The following PARP14 variants were observed in gnomAD, a reference collection of about 807,000 sequenced individuals.
The protein encoded by PARP14 is protein mono-ADP-ribosyltransferase PARP14.
A neutral mutation model predicts 154.2 loss-of-function variants in PARP14; 59 were observed. The observed-to-expected ratio is 0.38, with a 90% CI of 0.31 to 0.48. PARP14 has a LOEUF of 0.48. Among genes scored for constraint, PARP14 ranks in the 20% least tolerant of loss-of-function variants. The pLI is 0.98. For synonymous variants in PARP14, 720 were observed against 780.5 expected, an observed-to-expected ratio of 0.92 and a Z score of 1.29; for missense variants, 1,734 against 2,131.6, an observed-to-expected ratio of 0.81 and a Z score of 3.67.
chr3:122,721,088 G>T (rs16833455), intron 15 of PARP14: 1 of 333,872 alleles, frequency 3.0e-6, no homozygotes, highest in Non-Finnish European at 5.8e-6. Flanking sequence ...ATTTTTGCAG[G>T]CACGCTGTTT....
intron 8 of PARP14, among the ~76,000 whole-genome samples, chr3:122,707,512 C>T (rs1436234234): frequency 1.3e-5 from 2 of 152,086 alleles, no homozygotes; most frequent in African/African-American, 4.8e-5. Context: ...GTGGCTCACA[C>T]CTTTAATCCC....
intron 12 of PARP14, 139 bp downstream of exon 12, chr3:122,714,568 C>A (rs1247054626): frequency 3.8e-6 from 2 of 529,410 alleles, no homozygotes; most frequent in Non-Finnish European, 3.2e-6. Context: ...GCTTCCTCCC[C>A]ATAAGACAAC....
rs539501980 is a variant in PARP14 at position 122,728,950 on chromosome 3, C to T, written c.*353C>T. On this transcript the variant is annotated 3_prime_UTR_variant, in exon 17 of 17. Coordinates refer to ENST00000474629, the MANE Select transcript of PARP14 (RefSeq NM_017554.3). ...TAAGCACAGCTGCCACTGCAGGAGA[C>T]AGGCCCCATGTCAGGATGCCATAGT... The T allele has an allele frequency of 5.6e-4, 134 of 241,378 alleles. No individual in the cohort carries two copies. The highest frequency in any genetic ancestry group is 9.6e-4 in the Non-Finnish European group (118 of 122,484). 15.0% of individuals were successfully genotyped at this position (241,378 alleles called of 1,614,324 possible).
intron 9 of PARP14, 24 bp downstream of exon 9, chr3:122,708,292 G>A (rs976632969): frequency 9.1e-6 from 12 of 1,314,146 alleles, no homozygotes; most frequent in Non-Finnish European, 1.3e-5. Flanking sequence ...TCTAAATTGA[G>A]AAGTGATTTC....
intron 4 of PARP14, among the ~76,000 whole-genome samples, chr3:122,693,695 G>A (rs1012215815): frequency 6.6e-6 from 1 of 151,938 alleles, no homozygotes; most frequent in Admixed American, 6.6e-5. Flanking sequence ...ACAAAAATTA[G>A]CCAGGCATGG....
rs377542915 is a variant in PARP14, at chr3:122,701,384, A to T, written c.2830A>T (p.Asn944Tyr). Residue 944 changes from asparagine to tyrosine, a missense_variant, in exon 6 of 17, where the codon AAC becomes TAC. Transcript: ENST00000474629. This position sits in a 1 kb window ranked among gnomAD's most constrained non-coding sequence, Gnocchi z 4.0. ...VETIVSAIKE[N>Y]FQFKKDGHCL... is the part of the protein sequence containing the mutation. The stretch of plus-strand genomic sequence containing the variant: ...GACCATTGTTTCTGCCATCAAGGAA[A>T]ACTTCCAATTCAAGAAGGATGGACA... The T allele has an allele frequency of 2.5e-5, 40 of 1,613,904 alleles. No individual in the cohort carries two copies. Among genetic ancestry groups the T allele is most frequent in the Non-Finnish European group, 3.1e-5 (36 of 1,179,884 alleles).
intron 1 of PARP14, among the ~76,000 whole-genome samples, chr3:122,683,571 G>A (rs963031301): frequency 6.6e-6 from 1 of 152,152 alleles, no homozygotes; most frequent in African/African-American, 2.4e-5. Flanking sequence ...GGTTCCTTGT[G>A]GTAAGAACCC....
At chr3:122,691,342 G>A (rs1295087901) in intron 3 of PARP14, among the ~76,000 whole-genome samples, 1 of 152,162 alleles carries the variant, frequency 6.6e-6, no homozygotes, top group Non-Finnish European at 1.5e-5. Flanking sequence ...CCATGCTTCA[G>A]TGGACAAGCA....
chr3:122,689,797 A>G (rs777926886), intron 3 of PARP14, among the ~76,000 whole-genome samples: 1 of 152,032 alleles, frequency 6.6e-6, no homozygotes, highest in African/African-American at 2.4e-5. Context: ...GAAACCTTCC[A>G]TGACTCACCC....
chr3:122,695,405 C>CT (rs71621688), intron 4 of PARP14, 21 bp from the exon 5 acceptor site: 26,291 of 861,078 alleles, frequency 0.031, 1 homozygote, highest in South Asian at 0.044. Context: ...GATTTTCTTT[C>CT]TTTTTTTTTT....
intron 8 of PARP14, among the ~76,000 whole-genome samples, chr3:122,705,232 C>T (rs559250895): frequency 6.6e-6 from 1 of 152,230 alleles, no homozygotes; most frequent in East Asian, 1.9e-4. Flanking sequence ...TTCCTTTAAC[C>T]AATTATCAAA....
intron 15 of PARP14, 100 bp downstream of exon 15, chr3:122,720,488 T>A (rs1252429843): frequency 2.1e-5 from 24 of 1,128,126 alleles, no homozygotes; most frequent in Non-Finnish European, 2.9e-5. Context: ...CACATTTTTT[T>A]AAACCCAGAA....
chr3:122,695,601 T>C lies in PARP14; in HGVS notation c.774T>C (p.Val258=). 1 of 1,610,902 alleles carries C rather than the reference T, an allele frequency of 6.2e-7. No individual in the cohort carries two copies. The highest frequency in any genetic ancestry group is 8.5e-7 in the Non-Finnish European group (1 of 1,177,484). ...ATCCCTATAATGGAGGGGGAAGAGT[T>C]GCCAATGTTGAATATTTTCCTGAAG... ...FENPYNGGGR[V]ANVEYFPEES... Residue 258 remains valine (V), a synonymous_variant, in exon 5 of 17, where the codon GTT becomes GTC. Coordinates refer to ENST00000474629, the MANE Select transcript of PARP14 (RefSeq NM_017554.3).
intron 16 of PARP14, 39 bp downstream of exon 16, chr3:122,728,025 T>G: frequency 1.3e-6 from 2 of 1,576,442 alleles, no homozygotes; most frequent in South Asian, 2.3e-5. Context: ...GAATGAGGCA[T>G]CAGCCATGAG....
intron 6 of PARP14, among the ~76,000 whole-genome samples, chr3:122,702,993 T>TAAAAAAAAAAAA (rs10707029): frequency 1.2e-4 from 10 of 83,908 alleles, no homozygotes; most frequent in Non-Finnish European, 1.2e-4. Context: ...CCCTCTCTCT[T>TAAAAAAAAAAAA]AAAAAAAAAA....
rs776144843 is a variant in PARP14, at chr3:122,700,379, C to A, written c.1825C>A (p.Leu609Ile). ...CATTGAAGTTGAGAACAAAGAAGTT[C>A]TTCATGGCAAGAAATGGAAAGGGCT... ...KRIEVENKEV[L>I]HGKKWKGLTH... Residue 609 changes from leucine to isoleucine, a missense_variant, in exon 6 of 17, where the codon CTT becomes ATT. By Grantham distance (5) the Leu-to-Ile change is conservative. Coordinates refer to ENST00000474629, the MANE Select transcript of PARP14 (RefSeq NM_017554.3). 6.2e-7 allele frequency: 1 copy of A among 1,613,884 alleles called. No homozygotes were observed. The highest frequency in any genetic ancestry group is 8.5e-7 in the Non-Finnish European group (1 of 1,179,842).
In PARP14 at chr3:122,700,207, G is replaced by T; in HGVS notation, c.1653G>T (p.Trp551Cys). ...EIFQFLQQVN[W>C]KEFSKCLFIA... ...TTCAGTTTTTGCAACAGGTAAACTG[G>T]AAAGAATTCTCTAAGTGTCTTTTCA... The change falls in exon 6 of 17, where the codon TGG becomes TGT. Residue 551 changes from tryptophan to cysteine, a missense_variant. Physicochemically the swap from Trp to Cys is radical, Grantham distance 215. This residue lies in a region of PARP14 where 1,646 missense variants were observed against 1,976.0 expected (regional missense o/e 0.83). Coordinates refer to ENST00000474629, the MANE Select transcript of PARP14 (RefSeq NM_017554.3). 1.2e-6 allele frequency: 2 copies of T among 1,611,730 alleles called. No homozygotes were observed. Among genetic ancestry groups the T allele is most frequent in the Non-Finnish European group, 8.5e-7 (1 of 1,178,620 alleles).
chr3:122,701,057 G>T lies in PARP14; in HGVS notation c.2503G>T (p.Ala835Ser). ...CCTTAAGCATTATGGTGGCCTGGCC[G>T]CTGCGCTCTCAAAAGCAGCTGGCCC... ...EDLKHYGGLA[A>S]ALSKAAGPEL... Residue 835 changes from alanine to serine, a missense_variant, in exon 6 of 17, where the codon GCT (alanine) becomes TCT (serine). Around this residue, in one of 2 missense-constraint regions of PARP14, gnomAD observed 1,646 missense variants for 1,976.0 expected, o/e 0.83. Transcript: ENST00000474629. This position sits in a 1 kb window ranked among gnomAD's most constrained non-coding sequence, Gnocchi z 4.0. 1.2e-6 allele frequency: 2 copies of T among 1,613,936 alleles called. No homozygotes were observed. The highest frequency in any genetic ancestry group is 2.2e-5 in the East Asian group (1 of 44,890).
chr3:122,714,181 C>A, intron 11 of PARP14, 81 bp from the exon 12 acceptor site: 1 of 1,169,594 alleles, frequency 8.5e-7, no homozygotes, highest in Non-Finnish European at 1.2e-6. Flanking sequence ...TGCTTACTTG[C>A]CAAGTTATAC....
Sources: gnomAD v4.1 joint callset for allele counts (sites outside exome capture counted in the v4.1 genomes callset) on GRCh38, gnomAD v4.1.1 for gene constraint, gnomAD v4.1.1 regional missense constraint, Gnocchi (gnomAD v3.1) non-coding constraint, MANE v1.5 for transcripts, NCBI Gene and HGNC (gene_info 2026-07-23, HGNC 2026-07-21) for gene names.